The following PGLYRP2 variants were observed in gnomAD, a reference collection of about 807,000 sequenced individuals.
PGLYRP2 encodes the protein peptidoglycan recognition protein 2, also known as N-acetylmuramoyl-L-alanine amidase.
PGLYRP2 carries 38 observed loss-of-function variants against 46.2 expected under a neutral mutation model. That is an observed-to-expected ratio of 0.82 (90% CI 0.64 to 1.08). PGLYRP2 has a LOEUF of 1.08. PGLYRP2 is among the 50% of genes least tolerant of loss of function. PGLYRP2 has a pLI of 0.00. For synonymous variants in PGLYRP2, 289 were observed against 329.4 expected (o/e 0.88, Z 1.33); for missense variants, 713 against 755.9 (o/e 0.94, Z 0.67).
chr19:15,470,599 G>A (rs1424552423), intron 3 of PGLYRP2, among the ~76,000 whole-genome samples: 1 of 135,468 alleles, frequency 7.4e-6, no homozygotes, highest in Non-Finnish European at 1.6e-5. Context: ...GAGCCACTGT[G>A]CCCAGCCTTC....
At chr19:15,472,237 G>C (rs1399752865) in intron 2 of PGLYRP2, 137 bp from the exon 3 acceptor site, 1 of 681,798 alleles carries the variant, frequency 1.5e-6, no homozygotes, top group African/African-American at 1.8e-5. Context: ...CCCCACATTG[G>C]TCCTCCCTGG....
At position 15,471,876 on chromosome 19, in the gene PGLYRP2, C is replaced by T; in HGVS notation, c.1343+14G>A. 1 of 1,608,466 alleles carries T rather than the reference C, an allele frequency of 6.2e-7. No individual in the cohort carries two copies. The highest frequency in any genetic ancestry group is 8.5e-7 in the Non-Finnish European group (1 of 1,176,224). On this transcript the variant is annotated intron_variant, in intron 3 of 4. Transcript: ENST00000340880. ...ACGTGGGCCCCGCCCCCTCCCCGGTCGGGCCCCTCCTACCTGTAGCCGATG... is the reference window on the plus strand; with the variant it reads ...ACGTGGGCCCCGCCCCCTCCCCGGTTGGGCCCCTCCTACCTGTAGCCGATG...
rs1407220548 is a variant in PGLYRP2 at position 15,475,732 on chromosome 19, C to T, written c.938G>A (p.Gly313Glu). ...YYGAGVARDPGFRSNFRRQNG... is the reference protein window; with the variant it reads ...YYGAGVARDPEFRSNFRRQNG... Reference sequence around the variant, plus strand: ...CTGCCGTCGGAAGTTGCTGCGGAACCCTGGGTCTCTGGCCACCCCAGCCCC... The same window carrying T: ...CTGCCGTCGGAAGTTGCTGCGGAACTCTGGGTCTCTGGCCACCCCAGCCCC... The change falls in exon 2 of 5, where the codon GGG (glycine) becomes GAG (glutamate). Residue 313 changes from glycine to glutamate, a missense_variant. Physicochemically the swap from Gly to Glu is moderately conservative, Grantham distance 98. Transcript: ENST00000340880. 3.7e-6 allele frequency: 6 copies of T among 1,613,940 alleles called. No individual in the cohort carries two copies. Among genetic ancestry groups the T allele is most frequent in the African/African-American group, 1.3e-5 (1 of 74,926 alleles).
rs1442189009 is a variant in PGLYRP2, at chr19:15,476,599, G to A, written c.71C>T (p.Pro24Leu). 6.3e-7 allele frequency: 1 copy of A among 1,596,722 alleles called. No homozygotes were observed. The highest frequency in any genetic ancestry group is 1.1e-5 in the South Asian group (1 of 88,830). Residue 24 changes from proline to leucine, a missense_variant, in exon 2 of 5, where the codon CCC (proline) becomes CTC (leucine). Coordinates refer to ENST00000340880, the MANE Select transcript of PGLYRP2 (RefSeq NM_052890.4). ...CTGGATGACAGAGTCCATGAGCAGG[G>A]GCAGGGAGGCTGCAGGAGGAAAGAA... ...LWSDPGTASL[P>L]LLMDSVIQAL...
In PGLYRP2 at chr19:15,471,214, G is replaced by A. The variant is rs1442827936; in HGVS notation, c.1343+676C>T. The stretch of plus-strand genomic sequence containing the variant: ...TGCAGGCTCCGCCTTCCGGGTTCAC[G>A]CCATTCTCCTGCCTCAGCCTCCCAA... On this transcript the variant is annotated intron_variant, in intron 3 of 4. Coordinates refer to ENST00000340880, the MANE Select transcript of PGLYRP2 (RefSeq NM_052890.4). Among the ~76,000 whole-genome samples, 3 of 142,700 alleles carry A rather than the reference G, an allele frequency of 2.1e-5. No homozygotes were observed. In the East Asian group the frequency reaches 6.7e-4, roughly 32 times the overall value. The allele number at this position is 142,700 out of a possible 152,430, so 93.6% of individuals were successfully genotyped here. A position where few individuals can be genotyped will look rare whatever the true frequency, so the allele number is the denominator to read the frequency against.
At position 15,476,426 on chromosome 19, in the gene PGLYRP2, C is replaced by T; in HGVS notation, c.244G>A (p.Asp82Asn). 1.2e-6 allele frequency: 2 copies of T among 1,614,116 alleles called. No individual in the cohort carries two copies. Among genetic ancestry groups the T allele is most frequent in the South Asian group, 1.1e-5 (1 of 91,066 alleles). Residue 82 changes from aspartate (D) to asparagine (N), a missense_variant, in exon 2 of 5, where the codon GAT (aspartate) becomes AAT (asparagine). Transcript: ENST00000340880. ...AGCTCTGGGCTTAGTGGGCAGGGAT[C>T]CAACTCTGTAGCATTGAGGCTCCAT... ...GAWSLNATEL[D>N]PCPLSPELLG...
chr19:15,476,564 C>A lies in PGLYRP2; in HGVS notation c.106G>T (p.Glu36Ter). ...GCAGCTGGCACTTTCTGCTCCAGCTCAGCCAGGGCCTGGATGACAGAGTCC... is the reference window on the plus strand; with the variant it reads ...GCAGCTGGCACTTTCTGCTCCAGCTAAGCCAGGGCCTGGATGACAGAGTCC... Reference protein sequence around the residue: ...LMDSVIQALAELEQKVPAAKT... With the variant: ...LMDSVIQALA The change falls in exon 2 of 5, where the codon GAG (glutamate) becomes TAG (stop). Residue 36 changes from glutamate to a stop codon, truncating the protein, a stop_gained. Coordinates refer to ENST00000340880, the MANE Select transcript of PGLYRP2 (RefSeq NM_052890.4). LOFTEE classifies it high-confidence loss of function. 1 of 1,612,132 alleles carries A rather than the reference C, an allele frequency of 6.2e-7. No homozygotes were observed. Among genetic ancestry groups the A allele is most frequent in the Non-Finnish European group, 8.5e-7 (1 of 1,179,156 alleles).
At position 15,474,689 on chromosome 19, in the gene PGLYRP2, A is replaced by G. The variant is rs529241062; in HGVS notation, c.1132+849T>C. Among the ~76,000 whole-genome samples, 6 of 152,226 alleles carry G rather than the reference A, an allele frequency of 3.9e-5. No homozygotes were observed. The East Asian group carries it at 5.8e-4, about 15-fold the overall frequency. On this transcript the variant is annotated intron_variant, in intron 2 of 4. Transcript: ENST00000340880. ...AGGAAATGGAATACTACTCAGCTGT[A>G]AAAAATGACATAATGTTGGCTGGGC...
Position 15,469,548 on chromosome 19 carries a change from G to A in PGLYRP2, c.1641+84C>T. ...TGGCTGAGGCTGTGCGGGCACAGCT[G>A]TTACAGGCAGGGGGCAGGGGCCTCG... On this transcript the variant is annotated intron_variant, in intron 4 of 4. Transcript: ENST00000340880. The surrounding 1 kb of genome is among the most constrained non-coding windows in gnomAD (Gnocchi z 4.9). 1 of 1,519,766 alleles carries A rather than the reference G, an allele frequency of 6.6e-7. No homozygotes were observed. Among genetic ancestry groups the A allele is most frequent in the Non-Finnish European group, 8.8e-7 (1 of 1,130,054 alleles). 94.1% of individuals were successfully genotyped at this position (1,519,766 alleles called of 1,614,324 possible).
intron 1 of PGLYRP2, among the ~76,000 whole-genome samples, chr19:15,477,333 C>A (rs951772072): frequency 2.1e-5 from 3 of 141,978 alleles, no homozygotes; most frequent in African/African-American, 8.0e-5. Context: ...GTGGAGGTTG[C>A]AGTGAGCCGA....
chr19:15,478,848 C>T (rs181207716), intron 1 of PGLYRP2, among the ~76,000 whole-genome samples: 30 of 152,180 alleles, frequency 2.0e-4, no homozygotes, highest in African/African-American at 7.2e-4. Context: ...TCTCGATCTC[C>T]TGATCTCAAG....
At chr19:15,475,079 C>A (rs1011356400) in intron 2 of PGLYRP2, among the ~76,000 whole-genome samples, 1 of 151,900 alleles carries the variant, frequency 6.6e-6, no homozygotes, top group African/African-American at 2.4e-5. Context: ...AAGACAAATA[C>A]CGTAAGTTCT....
At position 15,469,975 on chromosome 19, in the gene PGLYRP2, C is replaced by A. The variant is rs1970729813; in HGVS notation, c.1344-46G>T. On this transcript the variant is annotated intron_variant, in intron 3 of 4. Coordinates refer to ENST00000340880, the MANE Select transcript of PGLYRP2 (RefSeq NM_052890.4). This position sits in a 1 kb window ranked among gnomAD's most constrained non-coding sequence, Gnocchi z 4.9. Reference sequence around the variant, plus strand: ...CAAGCACCATGCGGCGTGAGGGGGACCCGGGCCCTTATCCGCTCCCCTCCC... The same window carrying A: ...CAAGCACCATGCGGCGTGAGGGGGAACCGGGCCCTTATCCGCTCCCCTCCC... 1 of 1,369,552 alleles carries A rather than the reference C, an allele frequency of 7.3e-7. No homozygotes were observed. The highest frequency in any genetic ancestry group is 9.4e-7 in the Non-Finnish European group (1 of 1,064,390). The allele number at this position is 1,369,552 out of a possible 1,614,324, so 84.8% of individuals were successfully genotyped here. A position where few individuals can be genotyped will look rare whatever the true frequency, so the allele number is the denominator to read the frequency against.
chr19:15,475,546 G>T lies in PGLYRP2; in HGVS notation c.1124C>A (p.Ala375Asp), dbSNP rs776481706. ...AANATKEFTE[A>D]FLGCPAIHPR... ...GTGGGGAACTTCCTCACCCAGGAAG[G>T]CCTCAGTGAATTCCTTGGTAGCATT... The change falls in exon 2 of 5, where the codon GCC (alanine) becomes GAC (aspartate). Residue 375 changes from alanine to aspartate, a missense_variant. Ala to Asp is a moderately radical substitution (Grantham distance 126). Transcript: ENST00000340880. The T allele has an allele frequency of 3.8e-6, 6 of 1,596,148 alleles. No homozygotes were observed. The African/African-American group carries it at 5.4e-5, about 14-fold the overall frequency.
rs147463355 is a variant in PGLYRP2 at position 15,476,293 on chromosome 19, G to T, written c.377C>A (p.Ala126Glu). The change falls in exon 2 of 5, where the codon GCG (alanine) becomes GAG (glutamate). Residue 126 changes from alanine to glutamate, a missense_variant. Transcript: ENST00000340880. The part of the protein sequence containing the change: ...GSTVAVEPLL[A>E]GLEAGLQGRR... ...CCCTTGCAGCCCTGCCTCCAGCCCC[G>T]CCAGCAGAGGCTCCACAGCCACGGT... The T allele has an allele frequency of 6.2e-7, 1 of 1,614,050 alleles. No individual in the cohort carries two copies. Among genetic ancestry groups the T allele is most frequent in the Non-Finnish European group, 8.5e-7 (1 of 1,180,012 alleles).
Position 15,479,310 on chromosome 19 carries a change from C to T in PGLYRP2, c.61+1G>A, listed in dbSNP as rs989624928. ...TCCCAGGACTCTGCCCCCTGACTCA[C>T]CTGTCCCTGGGTCTGACCACAGTAG... On this transcript the variant is annotated splice_donor_variant, in intron 1 of 4. Transcript: ENST00000340880. LOFTEE classifies it high-confidence loss of function. The T allele has an allele frequency of 5.6e-6, 9 of 1,613,966 alleles. No individual in the cohort carries two copies. The highest frequency in any genetic ancestry group is 7.6e-6 in the Non-Finnish European group (9 of 1,179,994).
In PGLYRP2 at chr19:15,476,226, A is replaced by G. The variant is rs745846389; in HGVS notation, c.444T>C (p.Pro148=). The G allele has an allele frequency of 7.4e-6, 12 of 1,614,028 alleles. No homozygotes were observed. In the African/African-American group the frequency reaches 1.2e-4, roughly 16 times the overall value. ...INLPLDSMAA[P]WETGDTFPDV... is the part of the protein sequence containing the mutation. ...CTGGAAAGGTATCTCCAGTCTCCCAAGGGGCAGCCATGCTGTCCAAGGGCA... is the reference window on the plus strand; with the variant it reads ...CTGGAAAGGTATCTCCAGTCTCCCAGGGGGCAGCCATGCTGTCCAAGGGCA... The change falls in exon 2 of 5, where the codon CCT becomes CCC. Residue 148 remains proline (P), a synonymous_variant. Transcript: ENST00000340880.
chr19:15,472,113 G>C lies in PGLYRP2; in HGVS notation c.1133-13C>G. 6.3e-7 allele frequency: 1 copy of C among 1,595,450 alleles called. No homozygotes were observed. The highest frequency in any genetic ancestry group is 8.5e-7 in the Non-Finnish European group (1 of 1,177,596). ...ATGGCCGGGCATCCTACAGGCAAGG[G>C]GGTTGAAGGCTGGGGTCAGGAACTG... On this transcript the variant is annotated splice_polypyrimidine_tract_variant and intron_variant, in intron 2 of 4. Transcript: ENST00000340880.
chr19:15,471,199 G>A (rs948051455), intron 3 of PGLYRP2, among the ~76,000 whole-genome samples: 19 of 135,934 alleles, frequency 1.4e-4, no homozygotes, highest in African/African-American at 5.3e-4. Flanking sequence ...TGCAGGCTCC[G>A]CCTTCCGGGT....
Sources: gnomAD v4.1 joint callset for allele counts (sites outside exome capture counted in the v4.1 genomes callset) on GRCh38, gnomAD v4.1.1 for gene constraint, Gnocchi (gnomAD v3.1) non-coding constraint, MANE v1.5 for transcripts, NCBI Gene and HGNC (gene_info 2026-07-23, HGNC 2026-07-21) for gene names.